The following MSH6 variants were observed in gnomAD, a reference collection of about 807,000 sequenced individuals.
The protein encoded by MSH6 is mutS homolog 6, also known as DNA mismatch repair protein Msh6.
MSH6 carries 85 observed loss-of-function variants against 119.1 expected under a neutral mutation model. The ratio of observed to expected loss-of-function variants is 0.71; its 90% confidence interval spans 0.60 to 0.85. MSH6 has a LOEUF of 0.85. MSH6 is among the 40% of genes least tolerant of loss of function. The probability of loss-of-function intolerance (pLI) is 0.00; values close to 1 mark genes in which losing one functional copy is unlikely to be tolerated. For synonymous variants in MSH6, 830 were observed against 586.9 expected (o/e 1.41, Z -5.99); for missense variants, 2,163 against 1,655.3 (o/e 1.31, Z -5.32).
downstream of MSH6, chr2:47,808,358 T>C: frequency 1.2e-6 from 2 of 1,612,470 alleles, no homozygotes; most frequent in Non-Finnish European, 1.7e-6. Flanking sequence ...CTACATCATG[T>C]CCCTGATGGC....
intron 1 of MSH6, chr2:47,783,936 G>C (rs1668181835): frequency 5.8e-6 from 6 of 1,031,104 alleles, no homozygotes; most frequent in Non-Finnish European, 7.0e-6. Context: ...AGGAATGCCT[G>C]CGGGAGGCCG....
rs1669194193 is a variant in MSH6, at chr2:47,797,905, T to G, written c.628-706T>G. 2 of 222,584 alleles carry G rather than the reference T, an allele frequency of 9.0e-6. 1 individual carries two copies. Among genetic ancestry groups the G allele is most frequent in the South Asian group, 1.5e-4 (2 of 13,302 alleles). 13.8% of individuals were successfully genotyped at this position (222,584 alleles called of 1,614,324 possible). On this transcript the variant is annotated intron_variant, in intron 3 of 9. Coordinates refer to ENST00000234420, the MANE Select transcript of MSH6 (RefSeq NM_000179.3). ...CTAGCATTCCCTTGGATTTTGCACA[T>G]GAGCTCAAACTCAAGCCTCAGCACA...
intron 7 of MSH6, 107 bp from the exon 8 acceptor site, chr2:47,806,097 T>G: frequency 1.9e-6 from 2 of 1,066,152 alleles, no homozygotes; most frequent in African/African-American, 3.1e-5. Context: ...CTTTTAGACG[T>G]GGATGTACTA....
intron 1 of MSH6, among the ~76,000 whole-genome samples, chr2:47,788,911 T>TTTTTG (rs1668536200): frequency 1.8e-5 from 1 of 56,360 alleles, no homozygotes; most frequent in Non-Finnish European, 3.8e-5. Context: ...TTCTTCCTTT[T>TTTTTG]TTTTTTTTTT....
chr2:47,784,044 T>G (rs1668191657), intron 1 of MSH6: 1 of 1,015,258 alleles, frequency 9.8e-7, no homozygotes, highest in Non-Finnish European at 1.2e-6. Flanking sequence ...AGGTAGACAC[T>G]TAGAGGTAGT....
At chr2:47,788,922 GTTTTTTTT>G (rs1558650240) in intron 1 of MSH6, among the ~76,000 whole-genome samples, 9 of 40,952 alleles carry the variant, frequency 2.2e-4, no homozygotes, top group African/African-American at 4.0e-4. Flanking sequence ...TTTTTTTTTT[GTTTTTTTT>G]TTTTTTTTTT....
intron 2 of MSH6, among the ~76,000 whole-genome samples, chr2:47,791,576 G>T (rs1668732513): frequency 6.6e-6 from 1 of 151,928 alleles, no homozygotes; most frequent in African/African-American, 2.4e-5. Context: ...TCTTTTCCCA[G>T]ATCTAGTCTT....
intron 7 of MSH6, 142 bp from the exon 8 acceptor site, chr2:47,806,060 AGC>A: frequency 1.2e-6 from 1 of 805,824 alleles, no homozygotes. Context: ...AGACTCGTGT[AGC>A]TAAACAAGGC....
Position 47,796,003 on chromosome 2 carries a change from G to C in MSH6, c.567G>C (p.Lys189Asn), listed in dbSNP as rs2104236539. 6.2e-7 allele frequency: 1 copy of C among 1,614,146 alleles called. No homozygotes were observed. The highest frequency in any genetic ancestry group is 8.5e-7 in the Non-Finnish European group (1 of 1,180,046). The change falls in exon 3 of 10, where the codon AAG (lysine) becomes AAC (asparagine). Residue 189 changes from lysine to asparagine, a missense_variant. Physicochemically the swap from Lys to Asn is moderately conservative, Grantham distance 94. Coordinates refer to ENST00000234420, the MANE Select transcript of MSH6 (RefSeq NM_000179.3). ...ADEALNKDKI[K>N]RLELAVCDEP... The stretch of plus-strand genomic sequence containing the variant: ...AAGCCTTAAATAAAGACAAGATTAA[G>C]AGGCTTGAATTGGCAGTTTGTGATG...
chr2:47,794,640 G>A (rs1259252295), intron 2 of MSH6, among the ~76,000 whole-genome samples: 2 of 152,066 alleles, frequency 1.3e-5, no homozygotes, highest in African/African-American at 4.8e-5. Context: ...TCTGAACTGG[G>A]CTGCCCTTTC....
At chr2:47,806,726 G>GA in intron 9 of MSH6, 53 bp from the exon 10 acceptor site, 2 of 1,540,228 alleles carry the variant, frequency 1.3e-6, no homozygotes, top group Non-Finnish European at 1.8e-6. Context: ...GGGAAGGGAT[G>GA]ATGCACTATG....
chr2:47,803,144 C>G (rs1669707583), intron 4 of MSH6, among the ~76,000 whole-genome samples: 1 of 152,130 alleles, frequency 6.6e-6, no homozygotes, highest in Non-Finnish European at 1.5e-5. Context: ...TCCTGAACTG[C>G]TGACCTCGTG....
At position 47,783,330 on chromosome 2, in the gene MSH6, C is replaced by G. The variant is rs730881811; in HGVS notation, c.97C>G (p.Arg33Gly). Residue 33 changes from arginine (R) to glycine (G), a missense_variant, in exon 1 of 10, where the codon CGT becomes GGT. Transcript: ENST00000234420. ...GGCCAGGGCCTCACGCGAAGGCGGC[C>G]GTGCCGCCGCTGCCCCCGGGGCCTC... ...ASARASREGG[R>G]AAAAPGASPS... The G allele has an allele frequency of 1.2e-6, 2 of 1,609,950 alleles. No homozygotes were observed. The highest frequency in any genetic ancestry group is 2.2e-5 in the East Asian group (1 of 44,772).
chr2:47,801,368 T>TTTTTTG, intron 4 of MSH6: 1 of 463,972 alleles, frequency 2.2e-6, no homozygotes, highest in South Asian at 2.5e-5. Flanking sequence ...TCAGTTTTTT[T>TTTTTTG]TTTTTTTTTT....
intron 1 of MSH6, 80 bp downstream of exon 1, chr2:47,783,573 G>C (rs1668146667): frequency 3.0e-6 from 4 of 1,335,368 alleles, no homozygotes; most frequent in Non-Finnish European, 3.9e-6. Flanking sequence ...GCTCGCACAG[G>C]GGGTTGGGGG....
At chr2:47,807,119 G>A (rs970904988), downstream of MSH6, 6 of 472,746 alleles carry the variant, frequency 1.3e-5, no homozygotes, top group African/African-American at 1.2e-4. Context: ...CATAAATGGG[G>A]GAGGAAAAGC....
chr2:47,800,464 T>C lies in MSH6; in HGVS notation c.2481T>C (p.Asn827=), dbSNP rs753585861. ...DLERLLSKIH[N]VGSPLKSQNH... ...AGAGGCTACTCAGTAAAATTCATAA[T>C]GTTGGGTCTCCCCTGAAGAGTCAGA... Residue 827 remains asparagine (N), a synonymous_variant, in exon 4 of 10, where the codon AAT becomes AAC. Transcript: ENST00000234420. 2 of 1,613,792 alleles carry C rather than the reference T, an allele frequency of 1.2e-6. No individual in the cohort carries two copies. Among genetic ancestry groups the C allele is most frequent in the Non-Finnish European group, 1.7e-6 (2 of 1,179,976 alleles).
At position 47,806,664 on chromosome 2, in the gene MSH6, C is replaced by CTATAATGGAATTATAA. The variant is rs772027379; in HGVS notation, c.4001+14_4001+29dup. 1 of 1,600,494 alleles carries CTATAATGGAATTATAA rather than the reference C, an allele frequency of 6.2e-7. No homozygotes were observed. The highest frequency in any genetic ancestry group is 8.5e-7 in the Non-Finnish European group (1 of 1,173,410). ...TACGATTATTTCGGTAACTAACTAA[C>CTATAATGGAATTATAA]TATAATGGAATTATAACTAACTGAC... On this transcript the variant is annotated intron_variant, in intron 9 of 9. Transcript: ENST00000234420.
chr2:47,809,646 C>T, downstream of MSH6: 3 of 1,613,590 alleles, frequency 1.9e-6, no homozygotes, highest in South Asian at 3.3e-5. Context: ...AGCCTCCAAA[C>T]CGGTTGTTAA....
Sources: gnomAD v4.1 joint callset for allele counts (sites outside exome capture counted in the v4.1 genomes callset) on GRCh38, gnomAD v4.1.1 for gene constraint, MANE v1.5 for transcripts, NCBI Gene and HGNC (gene_info 2026-07-23, HGNC 2026-07-21) for gene names.